The following SHC2 variants were observed in gnomAD, a reference collection of about 807,000 sequenced individuals.
SHC2 encodes the protein SHC-transforming protein 2.
SHC2 carries 62 observed loss-of-function variants against 60.6 expected under a neutral mutation model. The ratio of observed to expected loss-of-function variants is 1.02; its 90% CI spans 0.83 to 1.26. The LOEUF is 1.26. SHC2 is among the 50% of genes most tolerant of loss of function. SHC2 has a pLI of 0.00. For missense variants in SHC2, 873 were observed against 822.2 expected, an observed-to-expected ratio of 1.06 and a Z score of -0.76; for synonymous variants, 375 against 372.4, an observed-to-expected ratio of 1.01 and a Z score of -0.08.
chr19:428,005 G>A (rs1974465608), intron 9 of SHC2, among the ~76,000 whole-genome samples: 1 of 152,186 alleles, frequency 6.6e-6, no homozygotes, highest in African/African-American at 2.4e-5. Flanking sequence ...GGGAAGGGAG[G>A]ATCTCTTGAG....
chr19:443,591 T>A (rs374914760), intron 1 of SHC2, among the ~76,000 whole-genome samples: 2 of 140,908 alleles, frequency 1.4e-5, no homozygotes, highest in East Asian at 4.5e-4. Flanking sequence ...GGTGGATGAA[T>A]GGATGGATGG....
rs1227264881 is a variant in SHC2 at position 458,596 on chromosome 19, G to A, written c.468+1933C>T. Among the ~76,000 whole-genome samples the A allele has an allele frequency of 2.5e-4, 32 of 127,464 alleles. 1 individual carries two copies. The highest frequency in any genetic ancestry group is 9.5e-4 in the African/African-American group (30 of 31,474). 83.6% of individuals were successfully genotyped at this position (127,464 alleles called of 152,430 possible). On this transcript the variant is annotated intron_variant, in intron 1 of 12. Transcript: ENST00000264554. The stretch of plus-strand genomic sequence containing the variant: ...AGGCGGAAGCGGGTTCCGGGGGACG[G>A]GGAAGTGGGTTCCAGGGAGGCGGAC...
intron 1 of SHC2, among the ~76,000 whole-genome samples, chr19:459,717 C>T (rs1389511514): frequency 6.6e-6 from 1 of 152,226 alleles, no homozygotes; most frequent in Non-Finnish European, 1.5e-5. Flanking sequence ...TGAACACAGG[C>T]TAATGTTCCT....
chr19:460,667 C>CG lies in SHC2; in HGVS notation c.329_330insC (p.Arg111AlafsTer63), dbSNP rs1975527612. The CG allele has an allele frequency of 8.9e-7, 1 of 1,122,870 alleles. No homozygotes were observed. The highest frequency in any genetic ancestry group is 1.1e-6 in the Non-Finnish European group (1 of 921,994). 69.6% of individuals were successfully genotyped at this position (1,122,870 alleles called of 1,614,324 possible). Reference sequence around the variant, plus strand: ...CGTCCCCGGACCCCGCCGCCCCCCGCCCGCCCCGCGACCCCCGCGACCCCG... The same window carrying CG: ...CGTCCCCGGACCCCGCCGCCCCCCGCGCCGCCCCGCGACCCCCGCGACCCCG... On this transcript the variant is annotated frameshift_variant, in exon 1 of 13. Transcript: ENST00000264554. LOFTEE classifies it high-confidence loss of function.
intron 1 of SHC2, among the ~76,000 whole-genome samples, chr19:448,705 G>A (rs1975105657): frequency 6.6e-6 from 1 of 152,152 alleles, no homozygotes; most frequent in Admixed American, 6.5e-5. Flanking sequence ...ACCCCTCTGT[G>A]CGTCCTGCCA....
intron 11 of SHC2, among the ~76,000 whole-genome samples, chr19:420,413 C>T (rs979161040): frequency 6.6e-6 from 1 of 152,230 alleles, no homozygotes; most frequent in Non-Finnish European, 1.5e-5. Context: ...GCTGAAAACG[C>T]CTCCTACGCT....
Position 422,066 on chromosome 19 carries a change from TG to T in SHC2, c.1620+79del. 6.6e-6 allele frequency: 3 copies of T among 455,062 alleles called. No individual in the cohort carries two copies. The highest frequency in any genetic ancestry group is 7.6e-6 in the Non-Finnish European group (3 of 395,352). 28.2% of individuals were successfully genotyped at this position (455,062 alleles called of 1,614,324 possible). The stretch of plus-strand genomic sequence containing the variant: ...TCCCACCTGTGCCCAGCGAAGCCCC[TG>T]GATGCCCCGAGACCCTCCCACCTGT... On this transcript the variant is annotated intron_variant, in intron 11 of 12. Coordinates refer to ENST00000264554, the MANE Select transcript of SHC2 (RefSeq NM_012435.3). The surrounding 1 kb of genome is among the most constrained non-coding windows in gnomAD (Gnocchi z 5.0).
intron 2 of SHC2, 139 bp from the exon 3 acceptor site, chr19:439,169 G>T: frequency 5.0e-6 from 1 of 201,360 alleles, no homozygotes; most frequent in African/African-American, 2.5e-5. Flanking sequence ...GGAGAGGAAG[G>T]CAGAGAGGGA....
intron 12 of SHC2, among the ~76,000 whole-genome samples, chr19:418,226 G>A (rs1974196891): frequency 6.6e-6 from 1 of 152,184 alleles, no homozygotes; most frequent in Non-Finnish European, 1.5e-5. Context: ...GCCTGTCCCA[G>A]CCCACCGTCC....
chr19:436,430 T>A lies in SHC2; in HGVS notation c.776A>T (p.Asp259Val). Residue 259 changes from aspartate to valine, a missense_variant and splice_region_variant, in exon 6 of 13, where the codon GAC (aspartate) becomes GTC (valine). Physicochemically the swap from Asp to Val is radical, Grantham distance 152 (BLOSUM62 -3). Coordinates refer to ENST00000264554, the MANE Select transcript of SHC2 (RefSeq NM_012435.3). ...GACGTAGGCCACGTAATCCGTCATG[T>A]CCTGGGGGCGGGGAGGGGCCAGCTG... ...SISFASGGDT[D>V]MTDYVAYVAK... 6.2e-7 allele frequency: 1 copy of A among 1,602,456 alleles called. No individual in the cohort carries two copies. Among genetic ancestry groups the A allele is most frequent in the Non-Finnish European group, 8.5e-7 (1 of 1,174,090 alleles).
chr19:442,696 C>T (rs568835166), intron 1 of SHC2, among the ~76,000 whole-genome samples: 26 of 17,382 alleles, frequency 1.5e-3, no homozygotes, highest in South Asian at 2.4e-3. Context: ...GGTGGGTGGA[C>T]GGGTGGACGG....
At position 436,361 on chromosome 19, in the gene SHC2, G is replaced by A; in HGVS notation, c.826+19C>T. On this transcript the variant is annotated intron_variant, in intron 6 of 12. Transcript: ENST00000264554. ...CCCCCCAGCCACAGGACCCCCACCG[G>A]CCTCCCCGGGGGCCTCACCTCTCTG... The A allele has an allele frequency of 6.3e-7, 1 of 1,596,456 alleles. No homozygotes were observed. The highest frequency in any genetic ancestry group is 8.6e-7 in the Non-Finnish European group (1 of 1,168,132).
In SHC2 at chr19:434,872, G is replaced by A. The variant is rs781573440; in HGVS notation, c.954-7C>T. On this transcript the variant is annotated splice_polypyrimidine_tract_variant and splice_region_variant and intron_variant, in intron 7 of 12. Transcript: ENST00000264554. ...CTCCTCCGGCCCTGCCAGCCTGGGG[G>A]ACAGACAACAACGGCCATGGCACAG... is the stretch of plus-strand genomic sequence containing the variant. 1.9e-6 allele frequency: 3 copies of A among 1,608,306 alleles called. No individual in the cohort carries two copies. The highest frequency in any genetic ancestry group is 2.2e-5 in the South Asian group (2 of 90,940).
In SHC2 at chr19:445,753, G is replaced by A. The variant is rs1975036583; in HGVS notation, c.469-4821C>T. 6.6e-6 allele frequency among the ~76,000 whole-genome samples: 1 copy of A among 152,038 alleles called. No individual in the cohort carries two copies. Among genetic ancestry groups the A allele is most frequent in the African/African-American group, 2.4e-5 (1 of 41,398 alleles). ...ACCATGTCTTAAAAAACACATTTTT[G>A]CCGGGCGCGGTGGCTCACGCCTGTA... On this transcript the variant is annotated intron_variant, in intron 1 of 12. Transcript: ENST00000264554. The surrounding 1 kb of genome is among the most constrained non-coding windows in gnomAD (Gnocchi z 4.4).
intron 1 of SHC2, among the ~76,000 whole-genome samples, chr19:458,497 A>ACGGGGAAGCG: frequency 2.2e-5 from 1 of 46,212 alleles, no homozygotes; most frequent in African/African-American, 4.9e-5. Context: ...ACGGGGAAGC[A>ACGGGGAAGCG]GGTTCCGGGG....
intron 7 of SHC2, chr19:435,929 C>A (rs1357659323): frequency 3.9e-6 from 2 of 510,320 alleles, no homozygotes; most frequent in Non-Finnish European, 7.1e-6. Flanking sequence ...CTCAGGCACA[C>A]CGGGGAGTCA....
chr19:424,997 A>G lies in SHC2; in HGVS notation c.1309+100T>C. Reference sequence around the variant, plus strand: ...CGGGGAGAAGGGAGCCTCCCCCATCAGACCAGGGAATCCCGTAGGGAGTGG... The same window carrying G: ...CGGGGAGAAGGGAGCCTCCCCCATCGGACCAGGGAATCCCGTAGGGAGTGG... On this transcript the variant is annotated intron_variant, in intron 10 of 12. Transcript: ENST00000264554. The surrounding 1 kb of genome is among the most constrained non-coding windows in gnomAD (Gnocchi z 4.5). 1 of 1,232,460 alleles carries G rather than the reference A, an allele frequency of 8.1e-7. No homozygotes were observed. The highest frequency in any genetic ancestry group is 1.1e-6 in the Non-Finnish European group (1 of 946,824). The allele number at this position is 1,232,460 out of a possible 1,614,324, so 76.3% of individuals were successfully genotyped here. A position where few individuals can be genotyped will look rare whatever the true frequency, so the allele number is the denominator to read the frequency against.
chr19:423,653 C>T (rs1209575231), intron 10 of SHC2, among the ~76,000 whole-genome samples: 2 of 151,398 alleles, frequency 1.3e-5, no homozygotes, highest in Non-Finnish European at 2.9e-5. Flanking sequence ...CCCGCCCCTC[C>T]AGCTCCTGGT....
At chr19:435,869 G>A (rs941004590) in intron 7 of SHC2, 27 of 352,624 alleles carry the variant, frequency 7.7e-5, no homozygotes, top group African/African-American at 4.5e-4. Flanking sequence ...TGCGGGAGCC[G>A]GCCGCGCGTC....
Sources: gnomAD v4.1 joint callset for allele counts (sites outside exome capture counted in the v4.1 genomes callset) on GRCh38, gnomAD v4.1.1 for gene constraint, Gnocchi (gnomAD v3.1) non-coding constraint, MANE v1.5 for transcripts, NCBI Gene and HGNC (gene_info 2026-07-23, HGNC 2026-07-21) for gene names.